The following LPP variants were observed in gnomAD, a reference collection of about 807,000 sequenced individuals.
LPP encodes lipoma-preferred partner.
LPP carries 38 observed loss-of-function variants against 60.4 expected under a neutral mutation model. The ratio of observed to expected loss-of-function variants is 0.63; its 90% CI spans 0.49 to 0.83. The LOEUF (loss-of-function observed/expected upper bound fraction) is 0.83, where lower values mean the gene tolerates loss of function less well. Among genes scored for constraint, LPP ranks in the 40% least tolerant of loss-of-function variants. LPP has a pLI of 0.00. For missense variants in LPP, 902 were observed against 783.6 expected, an observed-to-expected ratio of 1.15 and a Z score of -1.80; for synonymous variants, 328 against 290.8, an observed-to-expected ratio of 1.13 and a Z score of -1.30.
chr3:188,566,662 A>G (rs1832245688), intron 6 of LPP, among the ~76,000 whole-genome samples: 1 of 151,822 alleles, frequency 6.6e-6, no homozygotes, highest in Non-Finnish European at 1.5e-5. Flanking sequence ...CAAGAATACC[A>G]CTAATCATAT....
intron 2 of LPP, among the ~76,000 whole-genome samples, chr3:188,305,686 G>A (rs2150193995): frequency 6.6e-6 from 1 of 152,274 alleles, no homozygotes; most frequent in East Asian, 1.9e-4. Flanking sequence ...CTTTATGTAA[G>A]ATTAAAGGAA....
chr3:188,645,398 A>C (rs1850926738), intron 7 of LPP, among the ~76,000 whole-genome samples: 1 of 152,170 alleles, frequency 6.6e-6, no homozygotes, highest in Non-Finnish European at 1.5e-5. Flanking sequence ...TTGGATGGCC[A>C]TCCTCAGTGC....
chr3:188,529,645 A>G (rs1017210129), intron 6 of LPP, among the ~76,000 whole-genome samples: 7 of 152,198 alleles, frequency 4.6e-5, no homozygotes, highest in Non-Finnish European at 1.0e-4. Flanking sequence ...GACTTTAGTT[A>G]TGTTCACTTA....
intron 2 of LPP, among the ~76,000 whole-genome samples, chr3:188,252,067 TATATATATACAC>T (rs1264005970): frequency 9.5e-5 from 10 of 105,190 alleles, no homozygotes; most frequent in African/African-American, 4.1e-4. Context: ...TATATATATA[TATATATATACAC>T]ACACACACAC....
chr3:188,366,279 T>C (rs954832304), intron 3 of LPP, among the ~76,000 whole-genome samples: 3 of 152,264 alleles, frequency 2.0e-5, no homozygotes, highest in African/African-American at 4.8e-5. Flanking sequence ...TTATTCACTC[T>C]TCAAATGATG....
intron 1 of LPP, among the ~76,000 whole-genome samples, chr3:188,210,736 A>G (rs909882261): frequency 6.6e-6 from 1 of 152,166 alleles, no homozygotes; most frequent in Admixed American, 6.5e-5. Flanking sequence ...TGGTTTTTAA[A>G]GCTTAAGACC....
chr3:188,638,981 C>T (rs1228302756), intron 7 of LPP, among the ~76,000 whole-genome samples: 4 of 151,946 alleles, frequency 2.6e-5, no homozygotes, highest in Non-Finnish European at 5.9e-5. Flanking sequence ...CATCAAGCTA[C>T]CAATGCCTTT....
chr3:188,410,334 C>G (rs1486854125), intron 4 of LPP, among the ~76,000 whole-genome samples: 1 of 152,214 alleles, frequency 6.6e-6, no homozygotes, highest in East Asian at 1.9e-4. Flanking sequence ...TTTGAACTTA[C>G]ATTTCTCACC....
chr3:188,239,539 G>A (rs1257970256), intron 2 of LPP, among the ~76,000 whole-genome samples: 1 of 152,068 alleles, frequency 6.6e-6, no homozygotes, highest in African/African-American at 2.4e-5. Flanking sequence ...AATTTTTAAA[G>A]AGGGCTATCA....
At chr3:188,346,154 G>A (rs1362105530) in intron 3 of LPP, among the ~76,000 whole-genome samples, 2 of 150,366 alleles carry the variant, frequency 1.3e-5, no homozygotes, top group Admixed American at 6.6e-5. Context: ...TTTCCAAACA[G>A]TATGTTTGCA....
intron 8 of LPP, among the ~76,000 whole-genome samples, chr3:188,714,033 A>G (rs1206183342): frequency 6.6e-6 from 1 of 152,216 alleles, no homozygotes; most frequent in East Asian, 1.9e-4. Context: ...TCGCAGCCAC[A>G]ACATGACTGG....
At chr3:188,254,714 G>GGA (rs201913490) in intron 2 of LPP, among the ~76,000 whole-genome samples, 4,210 of 152,248 alleles carry the variant, frequency 0.028, 196 homozygotes, top group African/African-American at 0.096. Context: ...ACCACACACA[G>GGA]TGGATAGGAT....
At chr3:188,718,777 T>C (rs1262808228) in intron 8 of LPP, among the ~76,000 whole-genome samples, 1 of 152,230 alleles carries the variant, frequency 6.6e-6, no homozygotes, top group Non-Finnish European at 1.5e-5. Flanking sequence ...ACATGGTATA[T>C]AGTAAACTAT....
intron 3 of LPP, among the ~76,000 whole-genome samples, chr3:188,343,206 C>T (rs573471765): frequency 6.6e-6 from 1 of 152,092 alleles, no homozygotes; most frequent in South Asian, 2.1e-4. Context: ...TGATGTTCCC[C>T]TCCCTGTGTC....
chr3:188,368,678 ACTCT>A (rs4011887), intron 3 of LPP, among the ~76,000 whole-genome samples: 205 of 121,570 alleles, frequency 1.7e-3, no homozygotes, highest in South Asian at 2.4e-3. Flanking sequence ...ACACACACAC[ACTCT>A]CACACACACA....
chr3:188,661,436 T>C (rs367658207), intron 7 of LPP, among the ~76,000 whole-genome samples: 4 of 152,240 alleles, frequency 2.6e-5, no homozygotes, highest in East Asian at 3.9e-4. Context: ...AAAGTATCTG[T>C]ACCATTTTGC....
chr3:188,326,953 G>A (rs991849889), intron 2 of LPP, among the ~76,000 whole-genome samples: 9 of 152,116 alleles, frequency 5.9e-5, no homozygotes, highest in Non-Finnish European at 8.8e-5. Context: ...CAATGAACGT[G>A]ACTTTTTGCC....
intron 9 of LPP, among the ~76,000 whole-genome samples, chr3:188,783,873 T>C (rs76138217): frequency 8.6e-5 from 2 of 23,266 alleles, no homozygotes; most frequent in East Asian, 9.7e-3. Flanking sequence ...TGATATCTCA[T>C]TCTTACAAAA....
intron 6 of LPP, among the ~76,000 whole-genome samples, chr3:188,585,659 GAAAACGTC>G (rs1052028405): frequency 2.0e-5 from 3 of 152,218 alleles, no homozygotes; most frequent in Non-Finnish European, 4.4e-5. Flanking sequence ...TTCTGAAGTT[GAAAACGTC>G]AAAACCATTT....
Sources: gnomAD v4.1 joint callset for allele counts (sites outside exome capture counted in the v4.1 genomes callset) on GRCh38, gnomAD v4.1.1 for gene constraint, MANE v1.5 for transcripts, NCBI Gene and HGNC (gene_info 2026-07-23, HGNC 2026-07-21) for gene names.